The following CSMD1 variants were observed in gnomAD, a reference collection of about 807,000 sequenced individuals.
CSMD1 encodes the protein CUB and Sushi multiple domains 1.
In CSMD1, 213 loss-of-function variants were observed where a neutral mutation model predicts 417.5. The ratio of observed to expected loss-of-function variants is 0.51; its 90% CI spans 0.46 to 0.57. The LOEUF (loss-of-function observed/expected upper bound fraction) is 0.57. Among genes scored for constraint, CSMD1 ranks in the 20% least tolerant of loss-of-function variants. The probability of loss-of-function intolerance (pLI) is 0.00; values close to 1 mark genes in which losing one functional copy is unlikely to be tolerated. For missense variants in CSMD1, 6,923 were observed against 4,529.7 expected (o/e 1.53, Z -15.17); for synonymous variants, 2,862 against 1,736.8 (o/e 1.65, Z -16.11).
At chr8:4,714,395 A>C (rs763849006) in intron 1 of CSMD1, among the ~76,000 whole-genome samples, 36 of 152,214 alleles carry the variant, frequency 2.4e-4, no homozygotes, top group Non-Finnish European at 3.8e-4. Context: ...AAAAATGTGC[A>C]TCAACTGAAA....
At chr8:4,840,073 A>G (rs573978843) in intron 1 of CSMD1, among the ~76,000 whole-genome samples, 10 of 152,314 alleles carry the variant, frequency 6.6e-5, no homozygotes, top group Admixed American at 6.5e-4. Flanking sequence ...GACCGCATCC[A>G]TAGGCTTGGG....
Position 3,854,181 on chromosome 8 carries a change from G to C in CSMD1, c.819-100139C>G, listed in dbSNP as rs1171788830. Among the ~76,000 whole-genome samples, 3 of 146,968 alleles carry C rather than the reference G, an allele frequency of 2.0e-5. No individual in the cohort carries two copies. In the East Asian group the frequency reaches 5.9e-4, roughly 29 times the overall value. On this transcript the variant is annotated intron_variant, in intron 5 of 69. Coordinates refer to ENST00000635120, the MANE Select transcript of CSMD1 (RefSeq NM_033225.6). The stretch of plus-strand genomic sequence containing the variant: ...TAATAAAAAAAAAAAAACACGTCTT[G>C]GAAATGGACCAATTCTCATGCTTTG...
intron 3 of CSMD1, among the ~76,000 whole-genome samples, chr8:4,319,252 G>A (rs571941206): frequency 6.6e-6 from 1 of 152,116 alleles, no homozygotes; most frequent in South Asian, 2.1e-4. Flanking sequence ...TTTCCCTTTT[G>A]CTTTCCTTCA....
intron 5 of CSMD1, among the ~76,000 whole-genome samples, chr8:3,962,017 C>A (rs537513856): frequency 6.6e-6 from 1 of 152,256 alleles, no homozygotes; most frequent in East Asian, 1.9e-4. Context: ...GTGCTTGTGT[C>A]ATCTTATTTC....
At chr8:4,809,971 G>A (rs1035902282) in intron 1 of CSMD1, among the ~76,000 whole-genome samples, 1 of 152,112 alleles carries the variant, frequency 6.6e-6, no homozygotes, top group African/African-American at 2.4e-5. Context: ...TGCAAACGGG[G>A]TAATTACAGT....
chr8:3,353,901 T>A (rs1483924735), intron 21 of CSMD1, among the ~76,000 whole-genome samples: 1 of 152,190 alleles, frequency 6.6e-6, no homozygotes, highest in Non-Finnish European at 1.5e-5. Flanking sequence ...AAGGAGTTAA[T>A]TGATTTTTCA....
intron 6 of CSMD1, among the ~76,000 whole-genome samples, chr8:3,742,414 G>C (rs1453365275): frequency 3.9e-5 from 6 of 152,300 alleles, no homozygotes; most frequent in East Asian, 1.9e-4. Context: ...CCTGCAGAAA[G>C]AGTCAGTAAA....
At chr8:4,493,645 T>C (rs750639787) in intron 2 of CSMD1, among the ~76,000 whole-genome samples, 2 of 152,190 alleles carry the variant, frequency 1.3e-5, no homozygotes, top group East Asian at 3.9e-4. Context: ...GAGTGAGCTA[T>C]GAGCGTGCCA....
chr8:4,841,380 G>T (rs1043793027), intron 1 of CSMD1, among the ~76,000 whole-genome samples: 1 of 152,144 alleles, frequency 6.6e-6, no homozygotes, highest in Non-Finnish European at 1.5e-5. Context: ...CTTCTTGAAG[G>T]CAGGGACCAC....
At chr8:4,119,146 G>A (rs543768434) in intron 3 of CSMD1, among the ~76,000 whole-genome samples, 4 of 152,176 alleles carry the variant, frequency 2.6e-5, no homozygotes, top group East Asian at 1.9e-4. Context: ...TGCATGTCGG[G>A]CTTAAAACCT....
intron 1 of CSMD1, among the ~76,000 whole-genome samples, chr8:4,972,865 A>C (rs1052898280): frequency 3.3e-5 from 5 of 152,156 alleles, no homozygotes; most frequent in Non-Finnish European, 7.3e-5. Flanking sequence ...GAAACTGCAT[A>C]ATTACCTGCT....
rs184415410 is a variant in CSMD1 at position 4,168,505 on chromosome 8, C to T, written c.416-136406G>A. 1.1e-3 allele frequency among the ~76,000 whole-genome samples: 165 copies of T among 151,998 alleles called. 2 individuals are homozygous for T. Among genetic ancestry groups the T allele is most frequent in the African/African-American group, 3.8e-3 (159 of 41,422 alleles). ...AAGTAGAAAAAAGGGCTCTAACATG[C>T]AACACTAGATTAAAATAAGTTACAG... On this transcript the variant is annotated intron_variant, in intron 3 of 69. Coordinates refer to ENST00000635120, the MANE Select transcript of CSMD1 (RefSeq NM_033225.6).
At chr8:4,702,989 G>C (rs1389462458) in intron 1 of CSMD1, among the ~76,000 whole-genome samples, 1 of 152,018 alleles carries the variant, frequency 6.6e-6, no homozygotes, top group Non-Finnish European at 1.5e-5. Context: ...TCTCAAAAAA[G>C]AATGATTATT....
chr8:4,237,387 A>G (rs989167512), intron 3 of CSMD1, among the ~76,000 whole-genome samples: 1 of 152,072 alleles, frequency 6.6e-6, no homozygotes, highest in Non-Finnish European at 1.5e-5. Context: ...GTTTATATAA[A>G]ATGAGGTATT....
At chr8:3,255,897 C>A (rs999670314) in intron 26 of CSMD1, among the ~76,000 whole-genome samples, 27 of 152,146 alleles carry the variant, frequency 1.8e-4, no homozygotes, top group African/African-American at 6.3e-4. Context: ...CCGACACTCG[C>A]CAGTGAGATG....
At chr8:4,589,146 C>G (rs191135612) in intron 2 of CSMD1, among the ~76,000 whole-genome samples, 101 of 152,134 alleles carry the variant, frequency 6.6e-4, no homozygotes, top group African/African-American at 2.4e-3. Flanking sequence ...ATTTTCATTG[C>G]TCTCAATGAG....
At chr8:3,654,457 G>C (rs2117404839) in intron 7 of CSMD1, among the ~76,000 whole-genome samples, 1 of 152,234 alleles carries the variant, frequency 6.6e-6, no homozygotes, top group South Asian at 2.1e-4. Context: ...TAATGGTACA[G>C]GAAGAGGGTA....
chr8:4,239,261 G>C (rs370442082), intron 3 of CSMD1, among the ~76,000 whole-genome samples: 1 of 152,170 alleles, frequency 6.6e-6, no homozygotes, highest in Non-Finnish European at 1.5e-5. Flanking sequence ...GGATGCTGAG[G>C]TTGGATGTAC....
chr8:3,843,932 C>T (rs569469735), intron 5 of CSMD1, among the ~76,000 whole-genome samples: 3 of 152,252 alleles, frequency 2.0e-5, no homozygotes, highest in South Asian at 2.1e-4. Context: ...TGCATGCGCA[C>T]AAGGTTATCT....
Sources: allele counts gnomAD v4.1 joint callset (sites outside exome capture counted in the v4.1 genomes callset), GRCh38; gene constraint gnomAD v4.1.1; transcripts MANE v1.5; gene names NCBI Gene and HGNC (gene_info 2026-07-23, HGNC 2026-07-21).